KCNK2: variants seen among roughly 807,000 people sequenced by gnomAD.
KCNK2 encodes the protein potassium two pore domain channel subfamily K member 2.
A neutral mutation model predicts 40.5 loss-of-function variants in KCNK2; 21 were observed. The ratio of observed to expected loss-of-function variants is 0.52; its 90% CI spans 0.37 to 0.75. The LOEUF is 0.75. Ranked by LOEUF, KCNK2 falls within the 30% of genes least tolerant of loss-of-function variation. The pLI is 0.00. For missense variants in KCNK2, 399 were observed against 531.6 expected (o/e 0.75, Z 2.45); for synonymous variants, 191 against 202.2 (o/e 0.94, Z 0.47).
At chr1:215,215,103 C>A (rs1160947356) in intron 6 of KCNK2, among the ~76,000 whole-genome samples, 1 of 152,032 alleles carries the variant, frequency 6.6e-6, no homozygotes, top group Non-Finnish European at 1.5e-5. Context: ...TTGTTATGAA[C>A]CTTGAAGATG....
intron 3 of KCNK2, among the ~76,000 whole-genome samples, chr1:215,130,709 G>T (rs1376751677): frequency 6.6e-6 from 1 of 152,142 alleles, no homozygotes; most frequent in Non-Finnish European, 1.5e-5. Context: ...GGGAAAAGAT[G>T]TTGACTTGAA....
At chr1:215,016,102 A>C (rs769057350) in intron 1 of KCNK2, among the ~76,000 whole-genome samples, 6 of 152,210 alleles carry the variant, frequency 3.9e-5, no homozygotes, top group Admixed American at 3.9e-4. Flanking sequence ...AAAGTCAATA[A>C]AAATGACAAA....
chr1:215,140,948 T>G (rs1482867982), intron 3 of KCNK2, among the ~76,000 whole-genome samples: 1 of 152,164 alleles, frequency 6.6e-6, no homozygotes, highest in Non-Finnish European at 1.5e-5. Flanking sequence ...TACAAAAATA[T>G]TTTATTTACA....
intron 6 of KCNK2, among the ~76,000 whole-genome samples, chr1:215,217,549 C>T (rs966684269): frequency 6.6e-6 from 1 of 152,098 alleles, no homozygotes; most frequent in Non-Finnish European, 1.5e-5. Context: ...TCTCCAGCTG[C>T]TCATCTCTAA....
intron 1 of KCNK2, among the ~76,000 whole-genome samples, chr1:215,013,133 A>AGATC (rs1243351584): frequency 6.2e-4 from 94 of 152,234 alleles, no homozygotes; most frequent in African/African-American, 2.2e-3. Context: ...ATTTAGATCT[A>AGATC]TGATTCACTT....
chr1:215,073,490 G>T (rs964904284), intron 1 of KCNK2, among the ~76,000 whole-genome samples: 1 of 152,120 alleles, frequency 6.6e-6, no homozygotes, highest in Non-Finnish European at 1.5e-5. Flanking sequence ...TTTTACTGAG[G>T]TCCGAAGGAT....
intron 5 of KCNK2, among the ~76,000 whole-genome samples, chr1:215,173,217 C>G (rs1260454738): frequency 2.6e-5 from 4 of 152,104 alleles, no homozygotes; most frequent in Admixed American, 6.5e-5. Context: ...AGAACAGGCA[C>G]TGTTTGGTTT....
intron 1 of KCNK2, among the ~76,000 whole-genome samples, chr1:215,034,115 A>G (rs1440980636): frequency 6.6e-6 from 1 of 152,128 alleles, no homozygotes; most frequent in Non-Finnish European, 1.5e-5. Flanking sequence ...CATGATCTCA[A>G]TTCTTTGATG....
rs1336163238 is a variant in KCNK2 at position 215,082,788 on chromosome 1, A to C, written c.-598A>C. 6.6e-6 allele frequency among the ~76,000 whole-genome samples: 1 copy of C among 151,976 alleles called. No homozygotes were observed. Among genetic ancestry groups the C allele is most frequent in the African/African-American group, 2.4e-5 (1 of 41,414 alleles). ...GCGAGCCGGGAAGGGAGAGCAGCGG[A>C]GGGCTGCAGAGCTGCGGGCGCCCGG... On this transcript the variant is annotated 5_prime_UTR_variant, in exon 1 of 7. Coordinates refer to ENST00000444842, the MANE Select transcript of KCNK2 (RefSeq NM_001017425.3).
chr1:215,185,178 A>G (rs1450097199), intron 5 of KCNK2, among the ~76,000 whole-genome samples: 1 of 152,132 alleles, frequency 6.6e-6, no homozygotes, highest in Non-Finnish European at 1.5e-5. Context: ...TTATAGAAAT[A>G]TACGTTAATT....
intron 1 of KCNK2, among the ~76,000 whole-genome samples, chr1:215,036,298 C>T (rs1057441156): frequency 1.3e-5 from 2 of 151,858 alleles, no homozygotes; most frequent in Admixed American, 1.3e-4. Flanking sequence ...AAAGGACATT[C>T]CCTTCCTCCA....
chr1:215,135,818 T>A (rs1661880308), intron 3 of KCNK2, among the ~76,000 whole-genome samples: 1 of 152,304 alleles, frequency 6.6e-6, no homozygotes, highest in African/African-American at 2.4e-5. Flanking sequence ...CACTGCAACC[T>A]CCGCCTCCTG....
At position 215,063,089 on chromosome 1, in the gene KCNK2, T is replaced by C. The variant is rs114304868; in HGVS notation, c.35-23279T>C. ...GTTGAGTGGAAGTTAGCCTGATGGA[T>C]TTGGGTCAAGGAGTGAGAGAATGAA... is the stretch of plus-strand genomic sequence containing the variant. On this transcript the variant is annotated intron_variant, in intron 1 of 6. Transcript: ENST00000391895. Among the ~76,000 whole-genome samples the C allele has an allele frequency of 1.9e-3, 296 of 152,190 alleles. 4 individuals are homozygous for C. Among genetic ancestry groups the C allele is most frequent in the African/African-American group, 5.9e-3 (244 of 41,550 alleles).
At chr1:215,050,004 A>G (rs1188619870) in intron 1 of KCNK2, among the ~76,000 whole-genome samples, 2 of 152,112 alleles carry the variant, frequency 1.3e-5, no homozygotes, top group Admixed American at 6.6e-5. Context: ...GCCTTCCTCC[A>G]TAAATTTTAT....
intron 5 of KCNK2, among the ~76,000 whole-genome samples, chr1:215,186,563 T>A (rs894873393): frequency 1.3e-5 from 2 of 152,224 alleles, no homozygotes; most frequent in African/African-American, 4.8e-5. Flanking sequence ...GAGTGATGAA[T>A]CAAAAGCATT....
chr1:215,021,130 G>C (rs1431184175), intron 1 of KCNK2, among the ~76,000 whole-genome samples: 1 of 152,118 alleles, frequency 6.6e-6, no homozygotes, highest in Non-Finnish European at 1.5e-5. Flanking sequence ...TGTTTAGACA[G>C]TGAAAAATTA....
intron 3 of KCNK2, among the ~76,000 whole-genome samples, chr1:215,139,535 A>G (rs945771193): frequency 3.9e-5 from 6 of 152,080 alleles, no homozygotes; most frequent in African/African-American, 1.2e-4. Flanking sequence ...TGTAATCCCA[A>G]CACTTTGGGA....
intron 1 of KCNK2, among the ~76,000 whole-genome samples, chr1:215,058,086 G>A (rs1001578817): frequency 2.0e-5 from 3 of 152,094 alleles, no homozygotes; most frequent in African/African-American, 7.2e-5. Flanking sequence ...AAGGGAAAAG[G>A]AGAACATGAG....
At chr1:215,054,832 A>G (rs1658102905) in intron 1 of KCNK2, among the ~76,000 whole-genome samples, 2 of 152,154 alleles carry the variant, frequency 1.3e-5, no homozygotes. Flanking sequence ...TGTACTTTAA[A>G]TTGTTTTTCA....
Sources: gnomAD v4.1 joint callset for allele counts (sites outside exome capture counted in the v4.1 genomes callset) on GRCh38, gnomAD v4.1.1 for gene constraint, MANE v1.5 for transcripts, NCBI Gene and HGNC (gene_info 2026-07-23, HGNC 2026-07-21) for gene names.